Variants in FBXL3 observed in about 807,000 individuals in gnomAD.
The protein encoded by FBXL3 is F-box/LRR-repeat protein 3.
FBXL3 carries 14 observed loss-of-function variants against 37.9 expected under a neutral mutation model. That is an observed-to-expected ratio of 0.37 (90% CI 0.24 to 0.58). The LOEUF is 0.58. FBXL3 is among the 20% of genes least tolerant of loss of function. The pLI is 0.74. For synonymous variants in FBXL3, 194 were observed against 180.1 expected (o/e 1.08, Z -0.62); for missense variants, 327 against 511.1 (o/e 0.64, Z 3.47).
At chr13:77,025,745 C>G (rs7989931) in intron 1 of FBXL3, among the ~76,000 whole-genome samples, 152 of 149,412 alleles carry the variant, frequency 1.0e-3, no homozygotes, top group African/African-American at 3.6e-3. Flanking sequence ...AGGTGAAGAC[C>G]GGAAGTGAAC....
intron 4 of FBXL3, among the ~76,000 whole-genome samples, chr13:77,011,197 G>C (rs191208904): frequency 4.5e-4 from 69 of 151,872 alleles, no homozygotes; most frequent in African/African-American, 1.6e-3. Flanking sequence ...AAAATTAGCC[G>C]GATGTGGTGG....
intron 2 of FBXL3, among the ~76,000 whole-genome samples, chr13:77,019,460 C>A (rs2034703093): frequency 6.6e-6 from 1 of 152,202 alleles, no homozygotes; most frequent in African/African-American, 2.4e-5. Context: ...TTCATATACA[C>A]TACTTTATCC....
intron 1 of FBXL3, chr13:77,026,511 A>AT (rs1245998474): frequency 2.2e-6 from 1 of 462,614 alleles, no homozygotes; most frequent in East Asian, 1.6e-4. Flanking sequence ...GCCAAGGGTC[A>AT]TAAAGCCTGG....
chr13:77,026,709 G>T (rs1343162418), intron 1 of FBXL3, 118 bp downstream of exon 1: 1 of 110,400 alleles, frequency 9.1e-6, no homozygotes, highest in Non-Finnish European at 1.9e-5. Context: ...GCCCGCGCGC[G>T]CCCCGGCCCC....
chr13:77,016,737 C>T (rs1344515514), intron 3 of FBXL3: 1 of 152,428 alleles, frequency 6.6e-6, no homozygotes, highest in East Asian at 1.9e-4. Flanking sequence ...TGCTATGCTG[C>T]CCAGGCTGAT....
chr13:77,019,518 G>A (rs900098368), intron 2 of FBXL3, among the ~76,000 whole-genome samples: 1 of 152,144 alleles, frequency 6.6e-6, no homozygotes, highest in African/African-American at 2.4e-5. Context: ...AATTATATTA[G>A]TTTCAGAGCT....
chr13:77,007,095 T>G lies in FBXL3; in HGVS notation c.*50A>C, dbSNP rs2034465064. 1.3e-6 allele frequency: 2 copies of G among 1,522,340 alleles called. No individual in the cohort carries two copies. The highest frequency in any genetic ancestry group is 2.8e-5 in the African/African-American group (2 of 72,084). 94.3% of individuals were successfully genotyped at this position (1,522,340 alleles called of 1,614,324 possible). Reference sequence around the variant, plus strand: ...ATCAGAACTACAGCAAATAAAACTTTAATTATAATACATTTGCTTGAAATT... The same window carrying G: ...ATCAGAACTACAGCAAATAAAACTTGAATTATAATACATTTGCTTGAAATT... On this transcript the variant is annotated 3_prime_UTR_variant, in exon 5 of 5. Transcript: ENST00000355619.
At chr13:77,014,670 C>G (rs548814674) in intron 4 of FBXL3, 1 of 152,292 alleles carries the variant, frequency 6.6e-6, no homozygotes, top group Admixed American at 6.5e-5. Context: ...AGATTTGTCA[C>G]TATACCTTAA....
chr13:77,021,604 G>A lies in FBXL3; in HGVS notation c.257C>T (p.Pro86Leu). Reference sequence around the variant, plus strand: ...GGTAGCTTTCAAATAAGATGTAGCTGGCTGATTCAGTTCAAATTCAAAACA... The same window carrying A: ...GGTAGCTTTCAAATAAGATGTAGCTAGCTGATTCAGTTCAAATTCAAAACA... The part of the protein sequence containing the change: ...WRCFEFELNQ[P>L]ATSYLKATHP... Residue 86 changes from proline to leucine, a missense_variant, in exon 2 of 5, where the codon CCA (proline) becomes CTA (leucine). By Grantham distance (98) the Pro-to-Leu change is moderately conservative. Coordinates refer to ENST00000355619, the MANE Select transcript of FBXL3 (RefSeq NM_012158.4). The A allele has an allele frequency of 1.2e-6, 2 of 1,614,128 alleles. No individual in the cohort carries two copies. Among genetic ancestry groups the A allele is most frequent in the Non-Finnish European group, 1.7e-6 (2 of 1,180,026 alleles).
rs535720043 is a variant in FBXL3, at chr13:77,009,632, T to C, written c.644-1844A>G. 8.5e-5 allele frequency: 13 copies of C among 152,236 alleles called. No individual in the cohort carries two copies. In the East Asian group the frequency reaches 1.5e-3, roughly 18 times the overall value. The allele number at this position is 152,236 out of a possible 1,614,324, so 9.4% of individuals were successfully genotyped here. A position where few individuals can be genotyped will look rare whatever the true frequency, so the allele number is the denominator to read the frequency against. On this transcript the variant is annotated intron_variant, in intron 4 of 4. Coordinates refer to ENST00000355619, the MANE Select transcript of FBXL3 (RefSeq NM_012158.4). The stretch of plus-strand genomic sequence containing the variant: ...AGATGCTGGAGAGGATATGGAGAAA[T>C]AGGAACGCTATTACAGTTAGCGGCA...
At chr13:77,026,698 G>C (rs1024998787) in intron 1 of FBXL3, 129 bp downstream of exon 1, 1 of 147,534 alleles carries the variant, frequency 6.8e-6, no homozygotes, top group Admixed American at 6.7e-5. Flanking sequence ...CCTGAGGAGC[G>C]GCCCGCGCGC....
rs758580860 is a variant in FBXL3 at position 77,007,241 on chromosome 13, T to C, written c.1191A>G (p.Leu397=). The C allele has an allele frequency of 1.2e-6, 2 of 1,614,090 alleles. No individual in the cohort carries two copies. The highest frequency in any genetic ancestry group is 2.2e-5 in the East Asian group (1 of 44,882). The change falls in exon 5 of 5, where the codon CTA becomes CTG. Residue 397 remains leucine, a synonymous_variant. Transcript: ENST00000355619. The part of the protein sequence containing the change: ...LSQLSIMEEV[L]IPDQKYSLEQ... ...CCAAACTATACTTTTGGTCAGGAAT[T>C]AGTACTTCTTCCATAATGGATAATT... is the stretch of plus-strand genomic sequence containing the variant.
intron 2 of FBXL3, among the ~76,000 whole-genome samples, chr13:77,019,910 A>C (rs530091955): frequency 0.011 from 1,626 of 151,916 alleles, 24 homozygotes; most frequent in African/African-American, 0.037. Context: ...TACTAGATAC[A>C]CCTGAATTGT....
At chr13:77,010,184 G>C (rs901779267) in intron 4 of FBXL3, 1 of 151,970 alleles carries the variant, frequency 6.6e-6, no homozygotes, top group African/African-American at 2.4e-5. Context: ...GCAAACCACC[G>C]TGGCACGTGT....
chr13:77,012,756 T>A (rs2034576622), intron 4 of FBXL3: 1 of 152,198 alleles, frequency 6.6e-6, no homozygotes, highest in Non-Finnish European at 1.5e-5. Context: ...GTTATGCTCT[T>A]CAAATAGAAA....
In FBXL3 at chr13:77,007,276, G is replaced by A. The variant is rs1394857989; in HGVS notation, c.1156C>T (p.Arg386Cys). The stretch of plus-strand genomic sequence containing the variant: ...TCCATAATGGATAATTGAGATAGGC[G>A]GCCACCACACATCTTCACAAACTCA... ...FVEFVKMCGG[R>C]LSQLSIMEEV... is the part of the protein sequence containing the mutation. The change falls in exon 5 of 5, where the codon CGC becomes TGC. Residue 386 changes from arginine to cysteine, a missense_variant. Coordinates refer to ENST00000355619, the MANE Select transcript of FBXL3 (RefSeq NM_012158.4). 2.5e-6 allele frequency: 4 copies of A among 1,613,696 alleles called. No individual in the cohort carries two copies. Among genetic ancestry groups the A allele is most frequent in the Non-Finnish European group, 3.4e-6 (4 of 1,179,990 alleles).
chr13:77,019,869 A>G (rs951479438), intron 2 of FBXL3, among the ~76,000 whole-genome samples: 4 of 151,972 alleles, frequency 2.6e-5, no homozygotes, highest in African/African-American at 7.3e-5. Context: ...AAAAATGTTC[A>G]ACTTTTGCAC....
Position 77,018,678 on chromosome 13 carries a change from T to TAGTATATCACA in FBXL3, c.382_392dup (p.Ser132ValfsTer8). ...TTAAAGAGCAATTCACAAGTTGCGA[T>TAGTATATCACA]AGTATATCACAAGCTGCTTCAGCTG... On this transcript the variant is annotated frameshift_variant, in exon 3 of 5. Transcript: ENST00000355619. LOFTEE classifies it high-confidence loss of function. 1 of 1,595,800 alleles carries TAGTATATCACA rather than the reference T, an allele frequency of 6.3e-7. No individual in the cohort carries two copies. Among genetic ancestry groups the TAGTATATCACA allele is most frequent in the Non-Finnish European group, 8.5e-7 (1 of 1,171,774 alleles).
chr13:77,007,681 G>A lies in FBXL3; in HGVS notation c.751C>T (p.Arg251Ter), dbSNP rs2154035941. 1 of 1,614,032 alleles carries A rather than the reference G, an allele frequency of 6.2e-7. No homozygotes were observed. Among genetic ancestry groups the A allele is most frequent in the Non-Finnish European group, 8.5e-7 (1 of 1,180,006 alleles). The change falls in exon 5 of 5, where the codon CGA (arginine) becomes TGA (stop). Residue 251 changes from arginine (R) to a stop codon, truncating the protein, a stop_gained. Coordinates refer to ENST00000355619, the MANE Select transcript of FBXL3 (RefSeq NM_012158.4). LOFTEE classifies it high-confidence loss of function. ...ACATCAATGCGCAAATGTTCTAATC[G>A]AACATGTTTTTCAGAAGACAATGCA... ...LLALSSEKHV[R>*]LEHLRIDVVS...
Sources: gnomAD v4.1 joint callset for allele counts (sites outside exome capture counted in the v4.1 genomes callset) on GRCh38, gnomAD v4.1.1 for gene constraint, MANE v1.5 for transcripts, NCBI Gene and HGNC (gene_info 2026-07-23, HGNC 2026-07-21) for gene names.